FER1L5: variants seen among roughly 807,000 people sequenced by gnomAD.
FER1L5 encodes fer-1 like family member 5, also known as fer-1-like protein 5.
FER1L5 carries 187 observed loss-of-function variants against 279.9 expected under a neutral mutation model. The observed-to-expected ratio is 0.67, with a 90% CI of 0.59 to 0.75. The LOEUF (loss-of-function observed/expected upper bound fraction) is 0.75, where lower values mean the gene tolerates loss of function less well. Among genes scored for constraint, FER1L5 ranks in the 30% least tolerant of loss-of-function variants. The pLI is 0.00. For missense variants in FER1L5, 2,091 were observed against 2,594.4 expected (o/e 0.81, Z 4.21); for synonymous variants, 921 against 989.7 (o/e 0.93, Z 1.30).
intron 19 of FER1L5, among the ~76,000 whole-genome samples, chr2:96,683,668 C>T (rs1229343861): frequency 6.6e-6 from 1 of 152,112 alleles, no homozygotes; most frequent in African/African-American, 2.4e-5. Flanking sequence ...CCCATAGTCG[C>T]CAAAGAAAAG....
At chr2:96,647,006 A>G (rs2075159934) in intron 2 of FER1L5, 58 bp from the exon 3 acceptor site, 1 of 1,513,152 alleles carries the variant, frequency 6.6e-7, no homozygotes, top group African/African-American at 1.4e-5. Flanking sequence ...CTCATTTCCT[A>G]GAAACATGGG....
intron 14 of FER1L5, among the ~76,000 whole-genome samples, chr2:96,664,275 C>T (rs1303817334): frequency 6.6e-6 from 1 of 152,134 alleles, no homozygotes; most frequent in African/African-American, 2.4e-5. Flanking sequence ...ATACAATCAA[C>T]ATAATGAATA....
At chr2:96,669,334 G>A (rs2106565182) in intron 17 of FER1L5, among the ~76,000 whole-genome samples, 197 bp downstream of exon 17, 1 of 152,322 alleles carries the variant, frequency 6.6e-6, no homozygotes, top group Non-Finnish European at 1.5e-5. Context: ...GCAAGCGGAA[G>A]CTCTGGGCTT....
At chr2:96,692,480 C>T (rs984550641) in intron 31 of FER1L5, among the ~76,000 whole-genome samples, 3 of 152,150 alleles carry the variant, frequency 2.0e-5, no homozygotes, top group Non-Finnish European at 2.9e-5. Context: ...GCTCTTGAGG[C>T]GTGACCCCAG....
At chr2:96,646,294 G>C in intron 1 of FER1L5, 107 bp from the exon 2 acceptor site, 1 of 1,239,702 alleles carries the variant, frequency 8.1e-7, no homozygotes, top group Non-Finnish European at 1.1e-6. Context: ...CACCATGCCC[G>C]GCCGACTTGA....
At chr2:96,680,249 T>A (rs760777967) in intron 19 of FER1L5, among the ~76,000 whole-genome samples, 2 of 152,054 alleles carry the variant, frequency 1.3e-5, no homozygotes, top group African/African-American at 2.4e-5. Flanking sequence ...AAATTGCTGT[T>A]GTGTATCCTC....
chr2:96,702,179 T>C lies in FER1L5; in HGVS notation c.5160-127T>C. The C allele has an allele frequency of 6.4e-7, 1 of 1,562,824 alleles. No homozygotes were observed. Among genetic ancestry groups the C allele is most frequent in the Non-Finnish European group, 8.7e-7 (1 of 1,153,786 alleles). On this transcript the variant is annotated intron_variant, in intron 46 of 52. Transcript: ENST00000624922. This position sits in a 1 kb window ranked among gnomAD's most constrained non-coding sequence, Gnocchi z 4.0. Reference sequence around the variant, plus strand: ...GAAGAGAGGAAGCTCTACTGGGAGCTTTCTTCCCCTGAATTCCCCACACTG... The same window carrying C: ...GAAGAGAGGAAGCTCTACTGGGAGCCTTCTTCCCCTGAATTCCCCACACTG...
intron 9 of FER1L5, among the ~76,000 whole-genome samples, chr2:96,659,507 TTCGAGA>T (rs1439673882): frequency 2.0e-5 from 1 of 50,844 alleles, no homozygotes; most frequent in Non-Finnish European, 3.1e-5. Flanking sequence ...CTTTCTTTCT[TTCGAGA>T]CAGAGTCTCG....
intron 12 of FER1L5, 141 bp from the exon 13 acceptor site, chr2:96,662,074 T>C: frequency 3.5e-6 from 3 of 852,244 alleles, no homozygotes; most frequent in South Asian, 3.2e-5. Flanking sequence ...AGAAGGGGCA[T>C]GGTGGGAACT....
At chr2:96,651,182 C>T (rs551508212) in intron 6 of FER1L5, among the ~76,000 whole-genome samples, 71 of 152,314 alleles carry the variant, frequency 4.7e-4, no homozygotes, top group African/African-American at 1.6e-3. Context: ...TAGCCTTCTC[C>T]CAGTGGATTG....
intron 1 of FER1L5, among the ~76,000 whole-genome samples, chr2:96,644,411 G>A (rs563402928): frequency 6.6e-6 from 1 of 152,270 alleles, no homozygotes; most frequent in South Asian, 2.1e-4. Flanking sequence ...GAACCCGGGA[G>A]ACGGAGGTTG....
chr2:96,677,966 C>T (rs954531114), intron 19 of FER1L5, among the ~76,000 whole-genome samples: 1 of 151,946 alleles, frequency 6.6e-6, no homozygotes, highest in African/African-American at 2.4e-5. Flanking sequence ...AAAGTGGCCA[C>T]ACCATTTTAT....
chr2:96,678,149 G>A (rs567459217), intron 19 of FER1L5, among the ~76,000 whole-genome samples: 86 of 151,224 alleles, frequency 5.7e-4, no homozygotes, highest in Non-Finnish European at 9.9e-4. Context: ...TTTTGAGACC[G>A]AATCTCGCTC....
intron 6 of FER1L5, among the ~76,000 whole-genome samples, chr2:96,651,243 CT>C (rs1454821933): frequency 1.6e-5 from 1 of 62,140 alleles, no homozygotes; most frequent in Non-Finnish European, 3.7e-5. Flanking sequence ...CTTTCTCTTT[CT>C]TTCTTTCTTT....
At chr2:96,664,352 C>T (rs935472657) in intron 14 of FER1L5, among the ~76,000 whole-genome samples, 4 of 152,144 alleles carry the variant, frequency 2.6e-5, no homozygotes, top group African/African-American at 9.7e-5. Context: ...CTATTCCACC[C>T]CCTCCCATCC....
chr2:96,687,739 C>A, intron 23 of FER1L5, 77 bp from the exon 24 acceptor site: 1 of 1,527,040 alleles, frequency 6.5e-7, no homozygotes. Flanking sequence ...GGGGCAGGTA[C>A]AGCCCACTTG....
At chr2:96,692,036 G>C in intron 30 of FER1L5, 68 bp from the exon 31 acceptor site, 11 of 1,533,792 alleles carry the variant, frequency 7.2e-6, no homozygotes, top group Non-Finnish European at 9.7e-6. Flanking sequence ...GGGGGACAGG[G>C]TGGGGGCAGT....
rs1347018000 is a variant in FER1L5 at position 96,647,854 on chromosome 2, A to G, written c.307A>G (p.Thr103Ala). The G allele has an allele frequency of 1.9e-6, 3 of 1,551,626 alleles. No homozygotes were observed. The highest frequency in any genetic ancestry group is 1.7e-6 in the Non-Finnish European group (2 of 1,147,016). The change falls in exon 4 of 53, where the codon ACC becomes GCC. Residue 103 changes from threonine to alanine, a missense_variant. Thr to Ala is a moderately conservative substitution (Grantham distance 58, BLOSUM62 0). Transcript: ENST00000624922. ...PSEVLFVKDL[T>A]LLNHSMKPTD... ...TGAGGTCCTTTTTGTGAAGGACTTG[A>G]CCCTGCTCAACCATTCCATGAAGCC...
chr2:96,643,996 ACCC>A, intron 1 of FER1L5, among the ~76,000 whole-genome samples: 1 of 150,772 alleles, frequency 6.6e-6, no homozygotes, highest in African/African-American at 2.4e-5. Context: ...ACACGGTGAA[ACCC>A]TATCTTTATT....
Sources: gnomAD v4.1 joint callset for allele counts (sites outside exome capture counted in the v4.1 genomes callset) on GRCh38, gnomAD v4.1.1 for gene constraint, Gnocchi (gnomAD v3.1) non-coding constraint, MANE v1.5 for transcripts, NCBI Gene and HGNC (gene_info 2026-07-23, HGNC 2026-07-21) for gene names.